CREB5: variants seen among roughly 807,000 people sequenced by gnomAD.
The protein encoded by CREB5 is cAMP responsive element binding protein 5.
In CREB5, 19 loss-of-function variants were observed where a neutral mutation model predicts 57.1. The ratio of observed to expected loss-of-function variants is 0.33; its 90% CI spans 0.23 to 0.49. The LOEUF (loss-of-function observed/expected upper bound fraction) is 0.49, where lower values mean the gene tolerates loss of function less well. Ranked by LOEUF, CREB5 falls within the 20% of genes least tolerant of loss-of-function variation. CREB5 has a pLI of 0.99. For missense variants in CREB5, 579 were observed against 671.6 expected, an observed-to-expected ratio of 0.86 and a Z score of 1.52; for synonymous variants, 238 against 238.3, an observed-to-expected ratio of 1.00 and a Z score of 0.01.
intron 7 of CREB5, among the ~76,000 whole-genome samples, chr7:28,756,718 C>T (rs891583824): frequency 3.9e-5 from 6 of 152,128 alleles, no homozygotes; most frequent in South Asian, 2.1e-4. Context: ...CTCTCCAAAG[C>T]GGCCCTCTCC....
chr7:28,552,445 C>G (rs1478252047), intron 4 of CREB5, among the ~76,000 whole-genome samples: 1 of 152,172 alleles, frequency 6.6e-6, no homozygotes, highest in Non-Finnish European at 1.5e-5. Flanking sequence ...TTTCTGGTCT[C>G]TGGTACACCA....
At chr7:28,528,704 CAAAAAA>C (rs778154325) in intron 4 of CREB5, among the ~76,000 whole-genome samples, 5 of 58,414 alleles carry the variant, frequency 8.6e-5, no homozygotes, top group African/African-American at 1.8e-4. Context: ...AACTCCATCT[CAAAAAA>C]AAAAAAAAAA....
chr7:28,629,322 C>T (rs1036130238), intron 5 of CREB5, among the ~76,000 whole-genome samples: 1 of 152,188 alleles, frequency 6.6e-6, no homozygotes, highest in African/African-American at 2.4e-5. Context: ...CCCAGTCCTC[C>T]TTCCACCTCC....
chr7:28,335,553 C>G (rs1049909679), intron 1 of CREB5, among the ~76,000 whole-genome samples: 8 of 151,906 alleles, frequency 5.3e-5, no homozygotes, highest in Non-Finnish European at 1.0e-4. Flanking sequence ...ATTTTGTATC[C>G]TGCAACTTTA....
intron 5 of CREB5, among the ~76,000 whole-genome samples, chr7:28,577,033 C>T (rs1413262918): frequency 6.6e-6 from 1 of 152,142 alleles, no homozygotes; most frequent in African/African-American, 2.4e-5. Flanking sequence ...TGGAGCAAAA[C>T]CATGGCAAGT....
chr7:28,588,687 G>A (rs1796388012), intron 5 of CREB5, among the ~76,000 whole-genome samples: 1 of 152,208 alleles, frequency 6.6e-6, no homozygotes, highest in African/African-American at 2.4e-5. Context: ...CCAAAACCAT[G>A]CAAAACTGTA....
At chr7:28,641,606 AAAACT>A (rs1056654759) in intron 5 of CREB5, among the ~76,000 whole-genome samples, 3 of 152,142 alleles carry the variant, frequency 2.0e-5, no homozygotes, top group African/African-American at 4.8e-5. Flanking sequence ...GGGAAAAAAC[AAAACT>A]AAACTAAACA....
chr7:28,346,497 G>A (rs1786060830), intron 1 of CREB5, among the ~76,000 whole-genome samples: 1 of 152,188 alleles, frequency 6.6e-6, no homozygotes, highest in South Asian at 2.1e-4. Context: ...TAGGGGTTAG[G>A]ATTTCAACAT....
At chr7:28,495,351 G>A (rs1314107055) in intron 3 of CREB5, among the ~76,000 whole-genome samples, 3 of 151,946 alleles carry the variant, frequency 2.0e-5, no homozygotes, top group Non-Finnish European at 4.4e-5. Flanking sequence ...ATACCAACCT[G>A]GTCAACATGG....
chr7:28,379,289 T>G (rs752027202), intron 1 of CREB5, among the ~76,000 whole-genome samples: 8 of 152,240 alleles, frequency 5.3e-5, no homozygotes, highest in Non-Finnish European at 1.0e-4. Flanking sequence ...AGACGCTATC[T>G]ACTACACTCA....
intron 7 of CREB5, among the ~76,000 whole-genome samples, chr7:28,792,381 GAAGA>G (rs1410602887): frequency 6.6e-6 from 1 of 151,202 alleles, no homozygotes; most frequent in Non-Finnish European, 1.5e-5. Context: ...TCTGAAACTA[GAAGA>G]AAGTATAGAA....
chr7:28,613,246 T>G (rs1797465462), intron 5 of CREB5, among the ~76,000 whole-genome samples: 1 of 152,228 alleles, frequency 6.6e-6, no homozygotes, highest in Non-Finnish European at 1.5e-5. Context: ...GTATTCGCAT[T>G]GCAAATGTGT....
intron 6 of CREB5, among the ~76,000 whole-genome samples, 165 bp from the exon 7 acceptor site, chr7:28,724,057 G>GT (rs1803193855): frequency 6.6e-6 from 1 of 152,146 alleles, no homozygotes; most frequent in African/African-American, 2.4e-5. Context: ...ATGTGCGTGG[G>GT]TTCAAGGCTC....
chr7:28,661,999 T>C (rs1799628810), intron 5 of CREB5, among the ~76,000 whole-genome samples: 1 of 152,204 alleles, frequency 6.6e-6, no homozygotes, highest in Admixed American at 6.5e-5. Flanking sequence ...ATCTGTTTCC[T>C]GTGAGTGCAT....
chr7:28,605,875 G>A (rs563072078), intron 5 of CREB5, among the ~76,000 whole-genome samples: 2 of 152,240 alleles, frequency 1.3e-5, no homozygotes, highest in South Asian at 4.2e-4. Flanking sequence ...CTGGGAAGGG[G>A]GACTGGCTGC....
chr7:28,595,972 C>A (rs1796679093), intron 5 of CREB5, among the ~76,000 whole-genome samples: 1 of 152,172 alleles, frequency 6.6e-6, no homozygotes, highest in South Asian at 2.1e-4. Context: ...TTTGGTCTCA[C>A]TTTCATCGTG....
chr7:28,585,943 A>G (rs1377329548), intron 5 of CREB5, among the ~76,000 whole-genome samples: 1 of 152,212 alleles, frequency 6.6e-6, no homozygotes, highest in Non-Finnish European at 1.5e-5. Context: ...AGCATAACAG[A>G]TAATAAAGGG....
At chr7:28,780,068 C>G (rs926026552) in intron 7 of CREB5, among the ~76,000 whole-genome samples, 4 of 152,204 alleles carry the variant, frequency 2.6e-5, no homozygotes, top group African/African-American at 9.6e-5. Context: ...CCACGCCCAG[C>G]CATGTGCATA....
intron 9 of CREB5, among the ~76,000 whole-genome samples, chr7:28,809,764 GAAT>G (rs1165999297): frequency 6.6e-6 from 1 of 152,144 alleles, no homozygotes; most frequent in Non-Finnish European, 1.5e-5. Flanking sequence ...TACAGAATGG[GAAT>G]AATAACTTTA....
Sources: allele counts gnomAD v4.1 joint callset (sites outside exome capture counted in the v4.1 genomes callset), GRCh38; gene constraint gnomAD v4.1.1; transcripts MANE v1.5; gene names NCBI Gene and HGNC (gene_info 2026-07-23, HGNC 2026-07-21).